The following ESR2 variants were observed in gnomAD, a reference collection of about 807,000 sequenced individuals.
The protein encoded by ESR2 is estrogen receptor beta.
ESR2 carries 36 observed loss-of-function variants against 49.6 expected under a neutral mutation model. That is an observed-to-expected ratio of 0.73 (90% CI 0.56 to 0.96). ESR2 has a LOEUF of 0.96. ESR2 is among the 40% of genes least tolerant of loss of function. The pLI is 0.00. For missense variants in ESR2, 714 were observed against 693.0 expected (o/e 1.03, Z -0.34); for synonymous variants, 320 against 266.1 (o/e 1.20, Z -1.97).
intron 1 of ESR2, among the ~76,000 whole-genome samples, chr14:64,325,501 A>T (rs1241792594): frequency 6.6e-6 from 1 of 152,234 alleles, no homozygotes; most frequent in Non-Finnish European, 1.5e-5. Context: ...TGAGAGATAT[A>T]GTGAGAAAAG....
At chr14:64,307,183 G>T (rs915210330) in intron 1 of ESR2, among the ~76,000 whole-genome samples, 1 of 151,356 alleles carries the variant, frequency 6.6e-6, no homozygotes, top group Non-Finnish European at 1.5e-5. Flanking sequence ...CTGGCTAGAG[G>T]TTTATTAATT....
chr14:64,248,208 AAAAAC>A, intron 7 of ESR2, among the ~76,000 whole-genome samples: 1 of 152,078 alleles, frequency 6.6e-6, no homozygotes, highest in African/African-American at 2.4e-5. Flanking sequence ...AGAAAAGTGA[AAAAAC>A]AAGATACAGA....
chr14:64,233,583 T>C, intron 8 of ESR2: 2 of 437,910 alleles, frequency 4.6e-6, no homozygotes, highest in South Asian at 4.6e-5. Flanking sequence ...TCCTCATTGT[T>C]TGCGGTAATT....
Position 64,229,159 on chromosome 14 carries a change from G to A in ESR2, c.*3978C>T, listed in dbSNP as rs1019678002. Among the ~76,000 whole-genome samples the A allele has an allele frequency of 6.6e-6, 1 of 152,138 alleles. No homozygotes were observed. Among genetic ancestry groups the A allele is most frequent in the Non-Finnish European group, 1.5e-5 (1 of 68,014 alleles). ...GCATCTTATTTTTCCATCTGTCATTGCTGCTGTTGTGTAAAGGCTCATGCA... is the reference window on the plus strand; with the variant it reads ...GCATCTTATTTTTCCATCTGTCATTACTGCTGTTGTGTAAAGGCTCATGCA... On this transcript the variant is annotated 3_prime_UTR_variant, in exon 9 of 9. Coordinates refer to ENST00000341099, the MANE Select transcript of ESR2 (RefSeq NM_001437.3).
rs531938350 is a variant in ESR2 at position 64,285,162 on chromosome 14, T to G, written c.-90-2087A>C. Among the ~76,000 whole-genome samples the G allele has an allele frequency of 2.6e-5, 4 of 152,280 alleles. No homozygotes were observed. The South Asian group carries it at 8.3e-4, about 32-fold the overall frequency. ...CTGTGCCCGGCCAGCTCTCATTACT[T>G]CTTATCAGTGCATCTGTAACAGGCT... On this transcript the variant is annotated intron_variant, in intron 1 of 8. Transcript: ENST00000341099.
At chr14:64,286,494 G>A (rs1207543556) in intron 1 of ESR2, among the ~76,000 whole-genome samples, 2 of 151,938 alleles carry the variant, frequency 1.3e-5, no homozygotes, top group Non-Finnish European at 2.9e-5. Context: ...TAGAGATGGG[G>A]TTTCACCATG....
Position 64,318,994 on chromosome 14 carries a change from T to G in ESR2, c.-91+18904A>C, listed in dbSNP as rs574748247. Among the ~76,000 whole-genome samples the G allele has an allele frequency of 2.0e-4, 31 of 152,078 alleles. 1 individual carries two copies. Among genetic ancestry groups the G allele is most frequent in the Admixed American group, 1.7e-3 (26 of 15,274 alleles). On this transcript the variant is annotated intron_variant, in intron 1 of 8. Transcript: ENST00000358599. ...AGGTCAAGGCTGCAGTGAGCTGTGA[T>G]TGCATCACTGCACTCCAGCCCTCCA...
At chr14:64,317,034 G>A (rs893442178) in intron 1 of ESR2, among the ~76,000 whole-genome samples, 3 of 152,110 alleles carry the variant, frequency 2.0e-5, no homozygotes, top group Admixed American at 6.5e-5. Context: ...GGAGGCCAAG[G>A]CAGGCTGATC....
At chr14:64,278,207 AAT>A (rs1440224170) in intron 3 of ESR2, among the ~76,000 whole-genome samples, 22 of 152,356 alleles carry the variant, frequency 1.4e-4, no homozygotes, top group African/African-American at 5.3e-4. Flanking sequence ...TTGAGCACTG[AAT>A]ATGTTTTCAT....
chr14:64,243,920 C>T (rs555009472), intron 7 of ESR2, among the ~76,000 whole-genome samples: 1 of 152,322 alleles, frequency 6.6e-6, no homozygotes, highest in East Asian at 1.9e-4. Context: ...CCACTCAGTA[C>T]TCTCCCCTCC....
intron 7 of ESR2, among the ~76,000 whole-genome samples, chr14:64,235,444 G>A (rs773580435): frequency 3.3e-5 from 5 of 152,214 alleles, no homozygotes; most frequent in East Asian, 1.9e-4. Flanking sequence ...CTAGTCTCCC[G>A]AAATCATTAC....
intron 1 of ESR2, among the ~76,000 whole-genome samples, chr14:64,329,258 C>A (rs2077425618): frequency 6.6e-6 from 1 of 152,132 alleles, no homozygotes; most frequent in African/African-American, 2.4e-5. Flanking sequence ...TGAGAACGAA[C>A]TTACTCCCTC....
chr14:64,335,150 GATA>G, intron 1 of ESR2, among the ~76,000 whole-genome samples: 1 of 152,314 alleles, frequency 6.6e-6, no homozygotes, highest in African/African-American at 2.4e-5. Flanking sequence ...AATAATTTTA[GATA>G]ATAAGTGCTG....
At chr14:64,245,509 CAAAAAAAAAA>C (rs56160081) in intron 7 of ESR2, among the ~76,000 whole-genome samples, 6 of 65,462 alleles carry the variant, frequency 9.2e-5, no homozygotes, top group East Asian at 6.0e-4. Context: ...AAGACTCTGT[CAAAAAAAAAA>C]AAAAAAAAAA....
At chr14:64,242,705 A>C (rs540049591) in intron 7 of ESR2, among the ~76,000 whole-genome samples, 4 of 152,194 alleles carry the variant, frequency 2.6e-5, no homozygotes, top group Admixed American at 2.0e-4. Context: ...TGAGTGTTCT[A>C]TCAGAGTAAT....
chr14:64,253,492 AAAG>A (rs1388714976), intron 6 of ESR2, among the ~76,000 whole-genome samples: 2 of 151,924 alleles, frequency 1.3e-5, no homozygotes, highest in Admixed American at 6.6e-5. Flanking sequence ...TGCCTGGCCT[AAAG>A]AAGAATATTG....
intron 3 of ESR2, among the ~76,000 whole-genome samples, chr14:64,270,930 C>T (rs1170555462): frequency 2.6e-5 from 4 of 152,212 alleles, no homozygotes; most frequent in African/African-American, 9.6e-5. Flanking sequence ...TTTGTTGCAG[C>T]ATTGTCCATT....
At chr14:64,328,344 G>A (rs1359415263) in intron 1 of ESR2, among the ~76,000 whole-genome samples, 1 of 151,934 alleles carries the variant, frequency 6.6e-6, no homozygotes, top group Non-Finnish European at 1.5e-5. Context: ...ACTTGAACCT[G>A]GGAGGCAGAG....
At chr14:64,284,844 G>A (rs765192408) in intron 1 of ESR2, among the ~76,000 whole-genome samples, 51 of 148,698 alleles carry the variant, frequency 3.4e-4, no homozygotes, top group Non-Finnish European at 6.5e-4. Flanking sequence ...TCTCATTATC[G>A]CATTACTTTT....
Sources: allele counts gnomAD v4.1 joint callset (sites outside exome capture counted in the v4.1 genomes callset), GRCh38; gene constraint gnomAD v4.1.1; transcripts MANE v1.5; gene names NCBI Gene and HGNC (gene_info 2026-07-23, HGNC 2026-07-21).